The following PPP6R3 variants were observed in gnomAD, a reference collection of about 807,000 sequenced individuals.
PPP6R3 encodes protein phosphatase 6 regulatory subunit 3.
In PPP6R3, 38 loss-of-function variants were observed where a neutral mutation model predicts 110.7. The ratio of observed to expected loss-of-function variants is 0.34; its 90% CI spans 0.26 to 0.45. The LOEUF (loss-of-function observed/expected upper bound fraction) is 0.45, where lower values mean the gene tolerates loss of function less well. PPP6R3 is among the 20% of genes least tolerant of loss of function. The pLI, the probability that PPP6R3 is intolerant of heterozygous loss-of-function variation, is 1.00. For synonymous variants in PPP6R3, 369 were observed against 373.5 expected (o/e 0.99, Z 0.14); for missense variants, 870 against 1,062.4 (o/e 0.82, Z 2.52).
At chr11:68,467,860 C>T (rs763781488) in intron 1 of PPP6R3, among the ~76,000 whole-genome samples, 17 of 152,180 alleles carry the variant, frequency 1.1e-4, no homozygotes, top group Non-Finnish European at 2.2e-4. Context: ...CTGCAACCTC[C>T]GCCTTACAGG....
intron 7 of PPP6R3, among the ~76,000 whole-genome samples, chr11:68,557,066 C>T (rs906959604): frequency 6.6e-6 from 1 of 152,258 alleles, no homozygotes; most frequent in African/African-American, 2.4e-5. Flanking sequence ...TGGACCTCCA[C>T]AGTCACATGC....
At chr11:68,466,091 G>A (rs893502029) in intron 1 of PPP6R3, among the ~76,000 whole-genome samples, 1 of 152,190 alleles carries the variant, frequency 6.6e-6, no homozygotes, top group African/African-American at 2.4e-5. Context: ...TTTGCAAAAT[G>A]TTTCCGGCAT....
intron 14 of PPP6R3, among the ~76,000 whole-genome samples, chr11:68,582,230 T>A (rs902006736): frequency 1.3e-5 from 2 of 152,230 alleles, no homozygotes; most frequent in Admixed American, 6.5e-5. Context: ...ATATAGTACT[T>A]CTTTCTAGAA....
Position 68,537,797 on chromosome 11 carries a change from A to G in PPP6R3, c.133A>G (p.Ile45Val), listed in dbSNP as rs2099278291. Residue 45 changes from isoleucine (I) to valine (V), a missense_variant, in exon 3 of 24, where the codon ATA (isoleucine) becomes GTA (valine). Coordinates refer to ENST00000393800, the MANE Select transcript of PPP6R3 (RefSeq NM_001164161.2). ...ATGTAAAGCTCAGAACCGCAAACTT[A>G]TAGAGTTTCTGTTAAAAGCAGAATG... ...QECKAQNRKL[I>V]EFLLKAECLE... The G allele has an allele frequency of 1.2e-6, 2 of 1,613,966 alleles. No homozygotes were observed. Among genetic ancestry groups the G allele is most frequent in the South Asian group, 1.1e-5 (1 of 91,082 alleles).
chr11:68,509,744 A>ATTTTTTTTTTTTTTTTTTTTTTTTTT (rs59022544), intron 1 of PPP6R3, among the ~76,000 whole-genome samples: 1 of 102,154 alleles, frequency 9.8e-6, no homozygotes, highest in African/African-American at 3.8e-5. Flanking sequence ...CATGTGGCTA[A>ATTTTTTTTTTTTTTTTTTTTTTTTTT]TTTTTTTTTT....
intron 16 of PPP6R3, among the ~76,000 whole-genome samples, chr11:68,589,334 C>T (rs1221627714): frequency 6.6e-6 from 1 of 152,122 alleles, no homozygotes; most frequent in East Asian, 1.9e-4. Flanking sequence ...ATTCTCATCT[C>T]TAGGTGACTC....
intron 23 of PPP6R3, among the ~76,000 whole-genome samples, chr11:68,611,406 A>G (rs112464163): frequency 0.01 from 1,564 of 152,316 alleles, 12 homozygotes; most frequent in African/African-American, 0.012. Context: ...GCACAGAAGA[A>G]TTGTTTGCAT....
Position 68,563,206 on chromosome 11 carries a change from CAA to C in PPP6R3, c.846-1095_846-1094del, listed in dbSNP as rs1474432922. ...ACTTGAGCCCAGGAAACAACAAAAA[CAA>C]AGCAGTAATTTATCCTCTCACAGTT... On this transcript the variant is annotated intron_variant, in intron 8 of 23. Coordinates refer to ENST00000393800, the MANE Select transcript of PPP6R3 (RefSeq NM_001164161.2). 3.9e-5 allele frequency among the ~76,000 whole-genome samples: 6 copies of C among 151,946 alleles called. No individual in the cohort carries two copies. In the East Asian group the frequency reaches 9.7e-4, roughly 25 times the overall value.
chr11:68,583,137 A>T lies in PPP6R3; in HGVS notation c.1632+8A>T. 6.6e-7 allele frequency: 1 copy of T among 1,522,042 alleles called. No individual in the cohort carries two copies. The highest frequency in any genetic ancestry group is 1.2e-5 in the South Asian group (1 of 80,730). The allele number at this position is 1,522,042 out of a possible 1,614,324, so 94.3% of individuals were successfully genotyped here. A position where few individuals can be genotyped will look rare whatever the true frequency, so the allele number is the denominator to read the frequency against. On this transcript the variant is annotated splice_region_variant and intron_variant, in intron 15 of 23. Transcript: ENST00000393800. Reference sequence around the variant, plus strand: ...GATTCTTCTTTGCAGCAAGTGAGTCACGCCTAAAGCTTTGCTTTTTGTTTT... The same window carrying T: ...GATTCTTCTTTGCAGCAAGTGAGTCTCGCCTAAAGCTTTGCTTTTTGTTTT...
chr11:68,525,304 T>C (rs910904079), intron 2 of PPP6R3, among the ~76,000 whole-genome samples: 1 of 152,216 alleles, frequency 6.6e-6, no homozygotes, highest in Non-Finnish European at 1.5e-5. Flanking sequence ...AAAAATTATG[T>C]TTCCACCTTT....
chr11:68,559,595 T>C (rs933801350), intron 8 of PPP6R3, among the ~76,000 whole-genome samples: 1 of 152,192 alleles, frequency 6.6e-6, no homozygotes, highest in African/African-American at 2.4e-5. Context: ...AACCCCTGCT[T>C]CCCCAATTCC....
intron 19 of PPP6R3, among the ~76,000 whole-genome samples, chr11:68,598,001 C>T (rs1593912399): frequency 1.3e-5 from 2 of 151,878 alleles, no homozygotes; most frequent in South Asian, 4.2e-4. Context: ...AAGTACAGTT[C>T]AGTAGTATAT....
chr11:68,564,214 T>C lies in PPP6R3; in HGVS notation c.846-89T>C, dbSNP rs967515548. ...TTTCCCGCAGCCAGAAAAGTTGATATAATCATTAAGTAAAGACATACATGG... is the reference window on the plus strand; with the variant it reads ...TTTCCCGCAGCCAGAAAAGTTGATACAATCATTAAGTAAAGACATACATGG... On this transcript the variant is annotated intron_variant, in intron 8 of 23. Coordinates refer to ENST00000393800, the MANE Select transcript of PPP6R3 (RefSeq NM_001164161.2). 201 of 1,322,654 alleles carry C rather than the reference T, an allele frequency of 1.5e-4. 2 individuals carry two copies. Among genetic ancestry groups the C allele is most frequent in the Non-Finnish European group, 1.9e-4 (181 of 969,474 alleles). 81.9% of individuals were successfully genotyped at this position (1,322,654 alleles called of 1,614,324 possible).
At chr11:68,476,765 G>GT (rs1319186467) in intron 1 of PPP6R3, among the ~76,000 whole-genome samples, 1 of 152,102 alleles carries the variant, frequency 6.6e-6, no homozygotes, top group Non-Finnish European at 1.5e-5. Context: ...GCTCACACCT[G>GT]TATTCCCAGC....
chr11:68,576,650 C>CT (rs1219499506), intron 14 of PPP6R3, among the ~76,000 whole-genome samples: 9 of 151,986 alleles, frequency 5.9e-5, no homozygotes, highest in Non-Finnish European at 1.3e-4. Flanking sequence ...GTAAGTATTG[C>CT]TTTTTTCTGC....
At chr11:68,461,569 G>A (rs2153207248) in intron 1 of PPP6R3, among the ~76,000 whole-genome samples, 1 of 152,220 alleles carries the variant, frequency 6.6e-6, no homozygotes, top group East Asian at 1.9e-4. Context: ...TTTACTTGGA[G>A]GTGTTTCCTG....
chr11:68,521,696 GC>G (rs1211788276), intron 2 of PPP6R3, among the ~76,000 whole-genome samples: 1 of 152,112 alleles, frequency 6.6e-6, no homozygotes, highest in Non-Finnish European at 1.5e-5. Flanking sequence ...GGTTTTGCGG[GC>G]CAAGAGGCAA....
chr11:68,609,792 T>C lies in PPP6R3; in HGVS notation c.2451-112T>C, dbSNP rs186085691. 1.1e-5 allele frequency: 18 copies of C among 1,569,044 alleles called. No homozygotes were observed. In the Admixed American group the frequency reaches 2.0e-4, roughly 18 times the overall value. ...TGCGCATGCTCAGTCCCAGGATGCT[T>C]TGCCTCCGCGGCAGTCATGACTCCA... On this transcript the variant is annotated intron_variant, in intron 22 of 23. Transcript: ENST00000393800.
intron 14 of PPP6R3, among the ~76,000 whole-genome samples, chr11:68,582,515 G>A (rs535116005): frequency 1.2e-4 from 18 of 152,198 alleles, no homozygotes; most frequent in Non-Finnish European, 1.8e-4. Flanking sequence ...GGAAGCTGTC[G>A]ACTCAAGTCA....
Sources: allele counts gnomAD v4.1 joint callset (sites outside exome capture counted in the v4.1 genomes callset), GRCh38; gene constraint gnomAD v4.1.1; transcripts MANE v1.5; gene names NCBI Gene and HGNC (gene_info 2026-07-23, HGNC 2026-07-21).